Variants in QKI observed in about 807,000 individuals in gnomAD.
QKI encodes QKI, KH domain containing RNA binding.
Under a neutral mutation model 39.0 loss-of-function variants are expected in QKI, and 10 were observed. That is an observed-to-expected ratio of 0.26 (90% CI 0.16 to 0.43). The LOEUF (loss-of-function observed/expected upper bound fraction) is 0.43, where lower values mean the gene tolerates loss of function less well. QKI is among the 20% of genes least tolerant of loss of function. The pLI is 1.00. For synonymous variants in QKI, 204 were observed against 155.4 expected (o/e 1.31, Z -2.33); for missense variants, 218 against 428.0 (o/e 0.51, Z 4.33).
intron 3 of QKI, among the ~76,000 whole-genome samples, chr6:163,525,451 C>T (rs549103072): frequency 6.1e-4 from 92 of 152,052 alleles, no homozygotes; most frequent in Non-Finnish European, 6.9e-4. Flanking sequence ...CTCTGCCTCC[C>T]GAATTCAAGC....
At chr6:163,505,123 G>A (rs1236481102) in intron 3 of QKI, among the ~76,000 whole-genome samples, 1 of 152,222 alleles carries the variant, frequency 6.6e-6, no homozygotes, top group Non-Finnish European at 1.5e-5. Flanking sequence ...TGTTGGGCTT[G>A]TGGGTGCACA....
intron 3 of QKI, among the ~76,000 whole-genome samples, chr6:163,507,305 G>GTA (rs1459278067): frequency 6.6e-6 from 1 of 152,256 alleles, no homozygotes; most frequent in East Asian, 1.9e-4. Context: ...TCTGTTTCCG[G>GTA]TAATGAATGA....
intron 1 of QKI, among the ~76,000 whole-genome samples, chr6:163,427,243 CTTTTTTT>C (rs11375326): frequency 3.5e-5 from 3 of 85,792 alleles, no homozygotes; most frequent in East Asian, 3.6e-4. Context: ...ATACTCGTAC[CTTTTTTT>C]TTTTTTTTTT....
chr6:163,423,256 C>G (rs1788143381), intron 1 of QKI: 1 of 152,242 alleles, frequency 6.6e-6, no homozygotes, highest in Non-Finnish European at 1.5e-5. Flanking sequence ...CCACTGCACT[C>G]CAGCCTGGGT....
intron 1 of QKI, among the ~76,000 whole-genome samples, chr6:163,420,099 G>C (rs187366034): frequency 6.7e-6 from 1 of 148,524 alleles, no homozygotes; most frequent in Non-Finnish European, 1.5e-5. Context: ...GCATGATTCA[G>C]ATTCTTTTTT....
At chr6:163,489,918 C>T (rs1229093395) in intron 3 of QKI, among the ~76,000 whole-genome samples, 7 of 152,030 alleles carry the variant, frequency 4.6e-5, no homozygotes, top group African/African-American at 1.4e-4. Context: ...GTTTTTTTCT[C>T]GCATTTTATA....
chr6:163,521,524 T>G, intron 3 of QKI, among the ~76,000 whole-genome samples: 1 of 151,946 alleles, frequency 6.6e-6, no homozygotes, highest in Non-Finnish European at 1.5e-5. Context: ...GGGCAGGCAG[T>G]TAGATATATA....
intron 3 of QKI, among the ~76,000 whole-genome samples, chr6:163,493,929 A>G (rs1778229040): frequency 6.6e-6 from 1 of 152,156 alleles, no homozygotes; most frequent in Non-Finnish European, 1.5e-5. Context: ...ATTGCCTAAC[A>G]TTGCTGCCAT....
chr6:163,440,871 G>T (rs955337223), intron 1 of QKI, among the ~76,000 whole-genome samples: 2 of 148,358 alleles, frequency 1.3e-5, no homozygotes, highest in Non-Finnish European at 3.0e-5. Context: ...TGGTAAGACA[G>T]TTTTTTTTTT....
chr6:163,561,427 C>T (rs759712055), intron 4 of QKI, among the ~76,000 whole-genome samples: 26 of 151,874 alleles, frequency 1.7e-4, no homozygotes, highest in Admixed American at 6.6e-5. Context: ...GGCTACAAAA[C>T]GAGACCTTGT....
At chr6:163,474,327 T>C (rs1368129258) in intron 2 of QKI, among the ~76,000 whole-genome samples, 1 of 151,990 alleles carries the variant, frequency 6.6e-6, no homozygotes, top group Non-Finnish European at 1.5e-5. Flanking sequence ...ACTGTAAGGA[T>C]AGCAAGAAAA....
At chr6:163,493,898 G>A (rs1451056604) in intron 3 of QKI, among the ~76,000 whole-genome samples, 2 of 152,012 alleles carry the variant, frequency 1.3e-5, no homozygotes, top group Non-Finnish European at 2.9e-5. Flanking sequence ...CAAGGTTAAA[G>A]CTTATCTGTT....
At chr6:163,461,711 G>A (rs976886373) in intron 2 of QKI, among the ~76,000 whole-genome samples, 2 of 152,170 alleles carry the variant, frequency 1.3e-5, no homozygotes, top group Admixed American at 6.5e-5. Flanking sequence ...GGAACATTGA[G>A]CTGTTTCTGA....
At chr6:163,546,554 T>G (rs1002392241) in intron 4 of QKI, among the ~76,000 whole-genome samples, 54 of 152,066 alleles carry the variant, frequency 3.6e-4, no homozygotes, top group African/African-American at 1.3e-3. Context: ...AGAAATCACA[T>G]GTCCCTTACT....
chr6:163,574,839 A>T lies in QKI; in HGVS notation c.*4129A>T, dbSNP rs1783895531. 1 of 152,198 alleles carries T rather than the reference A, an allele frequency of 6.6e-6. No homozygotes were observed. Among genetic ancestry groups the T allele is most frequent in the African/African-American group, 2.4e-5 (1 of 41,456 alleles). The allele number at this position is 152,198 out of a possible 1,614,324, so 9.4% of individuals were successfully genotyped here. ...AATTTATCTTTGTAAATTACATTTT[A>T]TTTATTTAGAGTTCTAAAATTGAGG... On this transcript the variant is annotated 3_prime_UTR_variant, in exon 8 of 8. Coordinates refer to ENST00000361752, the MANE Select transcript of QKI (RefSeq NM_006775.3).
At chr6:163,504,667 G>A (rs900686043) in intron 3 of QKI, among the ~76,000 whole-genome samples, 4 of 152,124 alleles carry the variant, frequency 2.6e-5, no homozygotes, top group Non-Finnish European at 4.4e-5. Flanking sequence ...GAATGTTACA[G>A]GAATGCAACT....
At chr6:163,490,557 G>T (rs1024378767) in intron 3 of QKI, among the ~76,000 whole-genome samples, 1 of 152,060 alleles carries the variant, frequency 6.6e-6, no homozygotes, top group Non-Finnish European at 1.5e-5. Context: ...AATCAACCAG[G>T]GTATGTTGCT....
At chr6:163,471,673 G>A (rs985474551) in intron 2 of QKI, among the ~76,000 whole-genome samples, 34 of 151,528 alleles carry the variant, frequency 2.2e-4, no homozygotes, top group African/African-American at 8.0e-4. Flanking sequence ...AGAGAACGAA[G>A]AAAATACGTT....
chr6:163,565,213 G>GTTGTTTAAGTTTTCTTTTCTATTAATA (rs1289893191), intron 6 of QKI: 59 of 988,488 alleles, frequency 6.0e-5, no homozygotes, highest in Non-Finnish European at 7.0e-5. Flanking sequence ...CTGTAACCTT[G>GTTGTTTAAGTTTTCTTTTCTATTAATA]TTGTTTAAGT....
Sources: gnomAD v4.1 joint callset for allele counts (sites outside exome capture counted in the v4.1 genomes callset) on GRCh38, gnomAD v4.1.1 for gene constraint, MANE v1.5 for transcripts, NCBI Gene and HGNC (gene_info 2026-07-23, HGNC 2026-07-21) for gene names.